Variants in CD2AP observed in about 807,000 individuals in gnomAD.
The protein encoded by CD2AP is CD2-associated protein.
CD2AP carries 46 observed loss-of-function variants against 85.1 expected under a neutral mutation model. The ratio of observed to expected loss-of-function variants is 0.54; its 90% CI spans 0.43 to 0.69. The LOEUF (loss-of-function observed/expected upper bound fraction) is 0.69, where lower values mean the gene tolerates loss of function less well. CD2AP is among the 30% of genes least tolerant of loss of function. CD2AP has a pLI of 0.00. For synonymous variants in CD2AP, 255 were observed against 252.9 expected, an observed-to-expected ratio of 1.01 and a Z score of -0.08; for missense variants, 769 against 729.5, an observed-to-expected ratio of 1.05 and a Z score of -0.62.
At position 47,609,610 on chromosome 6, in the gene CD2AP, G is replaced by A. The variant is rs184085283; in HGVS notation, c.1814+306G>A. The A allele has an allele frequency of 7.2e-4, 189 of 260,882 alleles. 2 individuals are homozygous for A. The highest frequency in any genetic ancestry group is 4.1e-3 in the African/African-American group (180 of 44,158). 16.2% of individuals were successfully genotyped at this position (260,882 alleles called of 1,614,324 possible). A position where few individuals can be genotyped will look rare whatever the true frequency, so the allele number is the denominator to read the frequency against. On this transcript the variant is annotated intron_variant, in intron 16 of 17. Coordinates refer to ENST00000359314, the MANE Select transcript of CD2AP (RefSeq NM_012120.3). ...GCTACTCAAGAGGCTGAGGTGGGAG[G>A]ATGTCTTGAGCCTGGGAAGTCAAGG...
intron 3 of CD2AP, among the ~76,000 whole-genome samples, chr6:47,543,009 G>A (rs540825657): frequency 6.6e-6 from 1 of 151,974 alleles, no homozygotes; most frequent in African/African-American, 2.4e-5. Context: ...AAATTAGCTG[G>A]GCGTGGTGGC....
intron 12 of CD2AP, among the ~76,000 whole-genome samples, chr6:47,596,388 G>A (rs1321496694): frequency 6.6e-6 from 1 of 152,068 alleles, no homozygotes; most frequent in East Asian, 1.9e-4. Flanking sequence ...CTAACCGTAT[G>A]TATTCCTTGA....
chr6:47,570,678 T>C (rs1768124763), intron 5 of CD2AP, among the ~76,000 whole-genome samples: 3 of 152,188 alleles, frequency 2.0e-5, no homozygotes, highest in Admixed American at 1.3e-4. Flanking sequence ...AGCCAGGCAC[T>C]GTTTAAAGCA....
At chr6:47,556,785 A>ATG (rs373087810) in intron 5 of CD2AP, among the ~76,000 whole-genome samples, 2,375 of 152,150 alleles carry the variant, frequency 0.016, 43 homozygotes, top group African/African-American at 0.038. Flanking sequence ...CATTAAACAT[A>ATG]TGTGTGTGTG....
chr6:47,487,680 ACT>A (rs1561999253), intron 1 of CD2AP, among the ~76,000 whole-genome samples: 1 of 148,586 alleles, frequency 6.7e-6, no homozygotes, highest in African/African-American at 2.5e-5. Flanking sequence ...ACAGAGCGAG[ACT>A]CTGTCTCAAA....
intron 3 of CD2AP, among the ~76,000 whole-genome samples, chr6:47,542,106 T>C (rs967119638): frequency 1.3e-5 from 2 of 152,354 alleles, no homozygotes; most frequent in South Asian, 4.1e-4. Context: ...CCATATCTGC[T>C]CCAGTTCAAA....
At chr6:47,513,977 T>C (rs1420557480) in intron 2 of CD2AP, among the ~76,000 whole-genome samples, 1 of 152,136 alleles carries the variant, frequency 6.6e-6, no homozygotes, top group Admixed American at 6.5e-5. Context: ...GCTAGGCATC[T>C]TTTCACATTT....
chr6:47,494,253 G>A (rs1422539046), intron 1 of CD2AP, among the ~76,000 whole-genome samples: 1 of 152,078 alleles, frequency 6.6e-6, no homozygotes, highest in Non-Finnish European at 1.5e-5. Flanking sequence ...TAGGTGCCAG[G>A]GGGTTCACAT....
In CD2AP at chr6:47,595,922, G is replaced by A. The variant is rs1460725442; in HGVS notation, c.1170G>A (p.Lys390=). The change falls in exon 12 of 18, where the codon AAG becomes AAA. Residue 390 remains lysine, a synonymous_variant. Coordinates refer to ENST00000359314, the MANE Select transcript of CD2AP (RefSeq NM_012120.3). ...CAGCAGCTCCACAAGTCCCACCCAA[G>A]AAACCTACTCCACCTACCAAAGCCA... is the stretch of plus-strand genomic sequence containing the variant. ...SKPAAPQVPP[K]KPTPPTKASN... 1 of 1,612,730 alleles carries A rather than the reference G, an allele frequency of 6.2e-7. No homozygotes were observed. Among genetic ancestry groups the A allele is most frequent in the South Asian group, 1.1e-5 (1 of 91,048 alleles).
chr6:47,612,859 C>T lies in CD2AP; in HGVS notation c.1878+323C>T, dbSNP rs755744394. ...GAAGGATGGATACCAGAGGGTGGGA[C>T]GGATATTAGTGGAATTAATTAGTGG... On this transcript the variant is annotated intron_variant, in intron 17 of 17. Coordinates refer to ENST00000359314, the MANE Select transcript of CD2AP (RefSeq NM_012120.3). Among the ~76,000 whole-genome samples, 49 of 152,070 alleles carry T rather than the reference C, an allele frequency of 3.2e-4. 1 individual carries two copies. Among genetic ancestry groups the T allele is most frequent in the Admixed American group, 2.0e-4 (3 of 15,252 alleles).
Position 47,626,458 on chromosome 6 carries a change from A to T in CD2AP, c.*2231A>T, listed in dbSNP as rs532358424. On this transcript the variant is annotated 3_prime_UTR_variant, in exon 18 of 18. Coordinates refer to ENST00000359314, the MANE Select transcript of CD2AP (RefSeq NM_012120.3). Reference sequence around the variant, plus strand: ...GGGGTAAATCATGAATTTTTTTTCTACGTGTGAGTATAAAAGACAAAAGTT... The same window carrying T: ...GGGGTAAATCATGAATTTTTTTTCTTCGTGTGAGTATAAAAGACAAAAGTT... 1.3e-5 allele frequency: 2 copies of T among 151,486 alleles called. No individual in the cohort carries two copies. The highest frequency in any genetic ancestry group is 4.8e-5 in the African/African-American group (2 of 41,358). The allele number at this position is 151,486 out of a possible 1,614,324, so 9.4% of individuals were successfully genotyped here.
chr6:47,562,059 C>T (rs1427617450), intron 5 of CD2AP, among the ~76,000 whole-genome samples: 6 of 152,186 alleles, frequency 3.9e-5, no homozygotes, highest in Non-Finnish European at 5.9e-5. Context: ...CCACTGCACC[C>T]GGCTGAGTTT....
Position 47,539,000 on chromosome 6 carries a change from A to C in CD2AP, c.319+5245A>C, listed in dbSNP as rs188157979. On this transcript the variant is annotated intron_variant, in intron 3 of 17. Coordinates refer to ENST00000359314, the MANE Select transcript of CD2AP (RefSeq NM_012120.3). ...GAAATTTTTGAACTCTTGTGTGTCA[A>C]ATGCCTTTGTATCTGTGAGTAGTAT... 1.6e-3 allele frequency among the ~76,000 whole-genome samples: 243 copies of C among 152,298 alleles called. 1 individual carries two copies. The highest frequency in any genetic ancestry group is 5.6e-3 in the African/African-American group (232 of 41,564).
In CD2AP at chr6:47,503,928, T is replaced by C. The variant is rs192150188; in HGVS notation, c.165+488T>C. 1.9e-3 allele frequency among the ~76,000 whole-genome samples: 295 copies of C among 152,324 alleles called. 1 individual carries two copies. The highest frequency in any genetic ancestry group is 6.8e-3 in the African/African-American group (283 of 41,564). On this transcript the variant is annotated intron_variant, in intron 2 of 17. Transcript: ENST00000359314. ...AAGTCTGGGACAGTTGCCTCGCTGG[T>C]CTTCTCATTATATTTTGTTGCTTTT...
At chr6:47,560,075 A>G (rs1204850045) in intron 5 of CD2AP, among the ~76,000 whole-genome samples, 1 of 149,116 alleles carries the variant, frequency 6.7e-6, no homozygotes, top group Admixed American at 6.7e-5. Flanking sequence ...ACTCCAGTAC[A>G]GTGATTTATT....
chr6:47,480,663 G>A (rs1765418853), intron 1 of CD2AP, among the ~76,000 whole-genome samples: 1 of 152,306 alleles, frequency 6.6e-6, no homozygotes, highest in African/African-American at 2.4e-5. Context: ...AAAGTGCTTA[G>A]AACACTGCCA....
Position 47,595,862 on chromosome 6 carries a change from T to TG in CD2AP, c.1111dup (p.Glu371GlyfsTer11), listed in dbSNP as rs1768925946. On this transcript the variant is annotated frameshift_variant and splice_region_variant, in exon 12 of 18. Transcript: ENST00000359314. LOFTEE classifies it high-confidence loss of function. ...CTTGTGAAATATTTTAAATCTTAGA[T>TG]GAAAAATCAACACTGGAACAGAAAC... is the stretch of plus-strand genomic sequence containing the variant. 1 of 1,610,946 alleles carries TG rather than the reference T, an allele frequency of 6.2e-7. No individual in the cohort carries two copies.
intron 16 of CD2AP, among the ~76,000 whole-genome samples, chr6:47,610,200 T>C (rs1769392057): frequency 6.6e-6 from 1 of 152,168 alleles, no homozygotes; most frequent in African/African-American, 2.4e-5. Context: ...CTCAAACCCA[T>C]ATTATCTGTT....
chr6:47,568,310 T>C (rs938333010), intron 5 of CD2AP, among the ~76,000 whole-genome samples: 6 of 152,216 alleles, frequency 3.9e-5, no homozygotes, highest in East Asian at 1.9e-4. Context: ...TTTGGAGATA[T>C]TAAATTTGAG....
Sources: allele counts gnomAD v4.1 joint callset (sites outside exome capture counted in the v4.1 genomes callset), GRCh38; gene constraint gnomAD v4.1.1; transcripts MANE v1.5; gene names NCBI Gene and HGNC (gene_info 2026-07-23, HGNC 2026-07-21).